The following ILRUN variants were observed in gnomAD, a reference collection of about 807,000 sequenced individuals.
The protein encoded by ILRUN is protein ILRUN.
In ILRUN, 3 loss-of-function variants were observed where a neutral mutation model predicts 33.8. The observed-to-expected ratio is 0.09, with a 90% CI of 0.04 to 0.23. The LOEUF (loss-of-function observed/expected upper bound fraction) is 0.23, where lower values mean the gene tolerates loss of function less well. Ranked by LOEUF, ILRUN falls within the 10% of genes least tolerant of loss-of-function variation. ILRUN has a pLI of 1.00. For missense variants in ILRUN, 210 were observed against 375.1 expected (o/e 0.56, Z 3.64); for synonymous variants, 124 against 138.9 (o/e 0.89, Z 0.75).
chr6:34,609,708 A>AG (rs1761707649), intron 3 of ILRUN, among the ~76,000 whole-genome samples: 1 of 152,202 alleles, frequency 6.6e-6, no homozygotes, highest in African/African-American at 2.4e-5. Flanking sequence ...CAAACAGCTA[A>AG]GAGTCAGGCC....
At position 34,650,923 on chromosome 6, in the gene ILRUN, CAGT is replaced by C. The variant is rs578164655; in HGVS notation, c.313+3699_313+3701del. 2.0e-3 allele frequency among the ~76,000 whole-genome samples: 308 copies of C among 152,220 alleles called. 1 individual carries two copies. The highest frequency in any genetic ancestry group is 7.0e-3 in the African/African-American group (289 of 41,542). ...AAAATTATTATTTATGTAGCTCTTTCAGTGAGTGCTTATTTCTTAGGGAGGTTA... is the reference window on the plus strand; with the variant it reads ...AAAATTATTATTTATGTAGCTCTTTCGAGTGCTTATTTCTTAGGGAGGTTA... On this transcript the variant is annotated intron_variant, in intron 2 of 4. Coordinates refer to ENST00000374023, the MANE Select transcript of ILRUN (RefSeq NM_024294.4).
chr6:34,638,508 G>A (rs1299285399), intron 3 of ILRUN, among the ~76,000 whole-genome samples: 1 of 151,974 alleles, frequency 6.6e-6, no homozygotes, highest in African/African-American at 2.4e-5. Flanking sequence ...GAGCCTAGGA[G>A]TTCAAGACCA....
At chr6:34,655,154 A>T (rs1242700738) in intron 1 of ILRUN, among the ~76,000 whole-genome samples, 2 of 151,912 alleles carry the variant, frequency 1.3e-5, no homozygotes, top group Admixed American at 6.6e-5. Context: ...TGTTAATATT[A>T]AAAAAAAGAG....
chr6:34,673,732 G>A (rs1763164845), intron 1 of ILRUN, among the ~76,000 whole-genome samples: 1 of 152,074 alleles, frequency 6.6e-6, no homozygotes, highest in African/African-American at 2.4e-5. Flanking sequence ...TAGAGTGGCT[G>A]AGGAGGATCA....
intron 1 of ILRUN, among the ~76,000 whole-genome samples, chr6:34,694,187 G>T (rs1202496561): frequency 2.0e-5 from 3 of 152,054 alleles, no homozygotes; most frequent in Non-Finnish European, 2.9e-5. Context: ...AAAAATCTTA[G>T]ACATTAAATA....
rs1244715836 is a variant in ILRUN at position 34,590,029 on chromosome 6, C to T, written c.*536G>A. 6.6e-6 allele frequency: 1 copy of T among 152,534 alleles called. No homozygotes were observed. The highest frequency in any genetic ancestry group is 2.4e-5 in the African/African-American group (1 of 41,430). 9.4% of individuals were successfully genotyped at this position (152,534 alleles called of 1,614,324 possible). A position where few individuals can be genotyped will look rare whatever the true frequency, so the allele number is the denominator to read the frequency against. On this transcript the variant is annotated 3_prime_UTR_variant, in exon 5 of 5. Coordinates refer to ENST00000374023, the MANE Select transcript of ILRUN (RefSeq NM_024294.4). ...AGACTTCTGGAGTCATGTGGCAGGG[C>T]AGATGTACTCCTGTAGCACTGATCC...
chr6:34,600,604 T>C (rs1357650003), intron 4 of ILRUN, among the ~76,000 whole-genome samples: 1 of 152,206 alleles, frequency 6.6e-6, no homozygotes, highest in East Asian at 1.9e-4. Flanking sequence ...CAGATGCTGC[T>C]ATAACAAGAG....
intron 1 of ILRUN, among the ~76,000 whole-genome samples, chr6:34,663,702 C>T (rs570158697): frequency 3.9e-5 from 6 of 152,272 alleles, no homozygotes; most frequent in African/African-American, 1.4e-4. Context: ...AAAATCCACC[C>T]ATTTCAATTG....
chr6:34,661,587 A>T (rs1052126595), intron 1 of ILRUN, among the ~76,000 whole-genome samples: 1 of 152,220 alleles, frequency 6.6e-6, no homozygotes, highest in African/African-American at 2.4e-5. Context: ...GCAAACATCT[A>T]GATAAAACAC....
intron 1 of ILRUN, among the ~76,000 whole-genome samples, chr6:34,682,263 T>TG (rs1554189586): frequency 4.8e-5 from 6 of 124,928 alleles, no homozygotes; most frequent in East Asian, 2.1e-4. Context: ...TTTTTTTTTT[T>TG]TTTTTTTTTT....
chr6:34,680,557 T>C (rs937531681), intron 1 of ILRUN, among the ~76,000 whole-genome samples: 4 of 152,062 alleles, frequency 2.6e-5, no homozygotes, highest in African/African-American at 9.7e-5. Flanking sequence ...CTCTGCCTCC[T>C]AGGCTCAAGT....
At chr6:34,633,494 G>A (rs984113950) in intron 3 of ILRUN, among the ~76,000 whole-genome samples, 7 of 152,200 alleles carry the variant, frequency 4.6e-5, no homozygotes, top group Non-Finnish European at 7.4e-5. Context: ...TTTGAAGTAC[G>A]CATGGAATAT....
Position 34,646,253 on chromosome 6 carries a change from C to T in ILRUN, c.511+348G>A, listed in dbSNP as rs1235750948. ...GAAGTATGCACATTTTGTGCATTAT[C>T]TGTTTTATATGACTTGTGTCTAGAG... On this transcript the variant is annotated intron_variant, in intron 3 of 4. Transcript: ENST00000374023. The surrounding 1 kb of genome is among the most constrained non-coding windows in gnomAD (Gnocchi z 4.9). 6.6e-6 allele frequency among the ~76,000 whole-genome samples: 1 copy of T among 152,200 alleles called. No homozygotes were observed. Among genetic ancestry groups the T allele is most frequent in the Non-Finnish European group, 1.5e-5 (1 of 68,038 alleles).
chr6:34,614,431 TAAAAAAA>T lies in ILRUN; in HGVS notation c.512-7534_512-7528del, dbSNP rs869049658. On this transcript the variant is annotated intron_variant, in intron 3 of 4. Transcript: ENST00000374023. ...AGCAAGACTCCATCTCAAAAAATAA[TAAAAAAA>T]AAAAAATATATATATATAAAATGTA... 1.6e-4 allele frequency among the ~76,000 whole-genome samples: 18 copies of T among 113,934 alleles called. 1 individual carries two copies. Among genetic ancestry groups the T allele is most frequent in the African/African-American group, 4.7e-4 (14 of 29,570 alleles). 74.7% of individuals were successfully genotyped at this position (113,934 alleles called of 152,430 possible).
chr6:34,681,011 A>G (rs141650597), intron 1 of ILRUN, among the ~76,000 whole-genome samples: 1 of 152,158 alleles, frequency 6.6e-6, no homozygotes, highest in East Asian at 1.9e-4. Flanking sequence ...ACCCCCAGCC[A>G]GTGGTTTCCA....
chr6:34,665,591 T>C (rs972007223), intron 1 of ILRUN, among the ~76,000 whole-genome samples: 3 of 152,058 alleles, frequency 2.0e-5, no homozygotes, highest in Non-Finnish European at 4.4e-5. Context: ...GACCAGCTGT[T>C]TTTGATTTTT....
chr6:34,675,142 G>A (rs751898784), intron 1 of ILRUN, among the ~76,000 whole-genome samples: 6 of 152,074 alleles, frequency 3.9e-5, no homozygotes, highest in Non-Finnish European at 7.4e-5. Flanking sequence ...TCAGCCAGGC[G>A]TGGTAGTGGG....
At chr6:34,605,078 G>A (rs1001041234) in intron 4 of ILRUN, among the ~76,000 whole-genome samples, 9 of 151,990 alleles carry the variant, frequency 5.9e-5, no homozygotes, top group African/African-American at 1.9e-4. Context: ...AGGCCGAGGC[G>A]GGTGGATCAC....
At position 34,630,088 on chromosome 6, in the gene ILRUN, C is replaced by T. The variant is rs145356807; in HGVS notation, c.511+16513G>A. Among the ~76,000 whole-genome samples, 536 of 152,172 alleles carry T rather than the reference C, an allele frequency of 3.5e-3. 1 individual carries two copies. The highest frequency in any genetic ancestry group is 0.015 in the South Asian group (70 of 4,824). On this transcript the variant is annotated intron_variant, in intron 3 of 4. Coordinates refer to ENST00000374023, the MANE Select transcript of ILRUN (RefSeq NM_024294.4). The stretch of plus-strand genomic sequence containing the variant: ...TTATTAAGTAAAATAGGGGTTACTT[C>T]GACACAAGCACTGCAATATCCCAAC...
Sources: gnomAD v4.1 joint callset for allele counts (sites outside exome capture counted in the v4.1 genomes callset) on GRCh38, gnomAD v4.1.1 for gene constraint, Gnocchi (gnomAD v3.1) non-coding constraint, MANE v1.5 for transcripts, NCBI Gene and HGNC (gene_info 2026-07-23, HGNC 2026-07-21) for gene names.